Variants in NRG1 observed in about 807,000 individuals in gnomAD.
NRG1 encodes the protein neuregulin 1, also known as pro-neuregulin-1, membrane-bound isoform.
NRG1 carries 18 observed loss-of-function variants against 63.8 expected under a neutral mutation model. The observed-to-expected ratio is 0.28, with a 90% CI of 0.19 to 0.42. The LOEUF is 0.42. Ranked by LOEUF, NRG1 falls within the 10% of genes least tolerant of loss-of-function variation. The pLI, the probability that NRG1 is intolerant of heterozygous loss-of-function variation, is 1.00. For synonymous variants in NRG1, 302 were observed against 301.3 expected (o/e 1.00, Z -0.02); for missense variants, 762 against 814.7 (o/e 0.94, Z 0.79).
chr8:31,909,341 T>C (rs914748149), intron 1 of NRG1, among the ~76,000 whole-genome samples: 1 of 152,088 alleles, frequency 6.6e-6, no homozygotes, highest in East Asian at 1.9e-4. Flanking sequence ...AGGAAGACAC[T>C]GAGCATCAGG....
intron 1 of NRG1, among the ~76,000 whole-genome samples, chr8:31,857,468 G>C (rs546962734): frequency 6.6e-6 from 1 of 152,188 alleles, no homozygotes; most frequent in Non-Finnish European, 1.5e-5. Flanking sequence ...GCCCTGCTTT[G>C]GCTCGCGCAG....
chr8:31,778,032 A>G (rs551817186), intron 1 of NRG1, among the ~76,000 whole-genome samples: 5 of 152,298 alleles, frequency 3.3e-5, no homozygotes, highest in African/African-American at 9.6e-5. Flanking sequence ...AGAGACAACT[A>G]TGCACCTCTC....
chr8:32,639,047 G>A (rs1232785937), intron 5 of NRG1, among the ~76,000 whole-genome samples: 3 of 152,020 alleles, frequency 2.0e-5, no homozygotes, highest in East Asian at 3.9e-4. Context: ...GAAAAAAAAT[G>A]TGTGTACTCT....
chr8:32,125,328 T>A (rs932458217), intron 1 of NRG1, among the ~76,000 whole-genome samples: 3 of 151,960 alleles, frequency 2.0e-5, no homozygotes, highest in Non-Finnish European at 4.4e-5. Context: ...GTCGATTTGA[T>A]TCTCAAGCCG....
intron 5 of NRG1, among the ~76,000 whole-genome samples, chr8:32,617,194 G>A (rs1847531863): frequency 6.6e-6 from 1 of 152,154 alleles, no homozygotes; most frequent in Admixed American, 6.5e-5. Flanking sequence ...CTGGCAAGCA[G>A]TAGAGCACAT....
chr8:31,947,647 G>T (rs1802785497), intron 1 of NRG1, among the ~76,000 whole-genome samples: 1 of 151,900 alleles, frequency 6.6e-6, no homozygotes, highest in African/African-American at 2.4e-5. Context: ...TGCAAACGTA[G>T]AAATACCACT....
chr8:32,328,285 A>G (rs935305130), intron 1 of NRG1, among the ~76,000 whole-genome samples: 8 of 152,196 alleles, frequency 5.3e-5, no homozygotes, highest in African/African-American at 1.9e-4. Context: ...TATTTTGATC[A>G]GAATGTCACT....
chr8:32,733,122 A>G (rs1824146188), intron 6 of NRG1, among the ~76,000 whole-genome samples: 1 of 151,972 alleles, frequency 6.6e-6, no homozygotes, highest in African/African-American at 2.4e-5. Flanking sequence ...TTAATTTCTA[A>G]TTCTTTATTT....
chr8:32,750,196 A>G (rs1589582549), intron 7 of NRG1, among the ~76,000 whole-genome samples: 1 of 152,186 alleles, frequency 6.6e-6, no homozygotes, highest in Non-Finnish European at 1.5e-5. Context: ...AGAAAACAGA[A>G]AGAAAGCAGC....
intron 1 of NRG1, among the ~76,000 whole-genome samples, chr8:32,136,473 TA>T (rs1486122853): frequency 1.3e-5 from 2 of 152,196 alleles, no homozygotes. Context: ...CAGGATAGGC[TA>T]AAATCTCAGA....
intron 2 of NRG1, among the ~76,000 whole-genome samples, chr8:32,598,851 A>G (rs1445244796): frequency 6.6e-6 from 1 of 152,120 alleles, no homozygotes; most frequent in Non-Finnish European, 1.5e-5. Flanking sequence ...CTGAATCTCA[A>G]TTTAATTAAC....
intron 1 of NRG1, among the ~76,000 whole-genome samples, chr8:31,737,933 G>A (rs1356615060): frequency 6.6e-6 from 1 of 151,952 alleles, no homozygotes; most frequent in African/African-American, 2.4e-5. Flanking sequence ...TTTTTTTATA[G>A]CTAGAATTTT....
intron 1 of NRG1, among the ~76,000 whole-genome samples, chr8:31,725,659 A>G (rs1813359222): frequency 6.6e-6 from 1 of 152,170 alleles, no homozygotes; most frequent in Admixed American, 6.6e-5. Flanking sequence ...TGGAAAACTC[A>G]CTGAGCTTAA....
At chr8:32,155,187 T>G (rs1217544262) in intron 1 of NRG1, among the ~76,000 whole-genome samples, 2 of 152,128 alleles carry the variant, frequency 1.3e-5, no homozygotes, top group Non-Finnish European at 2.9e-5. Context: ...AATGTGAGAC[T>G]AAGAGTCAAG....
intron 1 of NRG1, among the ~76,000 whole-genome samples, chr8:32,579,007 G>A (rs1302075988): frequency 6.6e-6 from 1 of 152,100 alleles, no homozygotes; most frequent in Non-Finnish European, 1.5e-5. Context: ...ATTCCTAAAT[G>A]ATGATATTTT....
rs1413092389 is a variant in NRG1, at chr8:32,177,219, A to G, written c.38-418609A>G. 5.9e-5 allele frequency among the ~76,000 whole-genome samples: 9 copies of G among 151,902 alleles called. No homozygotes were observed. The East Asian group carries it at 1.6e-3, about 27-fold the overall frequency. ...TGGAAACCATCATTCTCAGCAAACTATCGCAAGGACAAAGAACCAAACACC... is the reference window on the plus strand; with the variant it reads ...TGGAAACCATCATTCTCAGCAAACTGTCGCAAGGACAAAGAACCAAACACC... On this transcript the variant is annotated intron_variant, in intron 1 of 10. Transcript: ENST00000519301.
intron 1 of NRG1, among the ~76,000 whole-genome samples, chr8:31,897,554 C>T (rs10089542): frequency 0.015 from 2,249 of 152,254 alleles, 63 homozygotes; most frequent in African/African-American, 0.051. Flanking sequence ...AAAATCAACT[C>T]TGATAAGAAA....
chr8:32,274,709 T>A (rs370092343), intron 1 of NRG1, among the ~76,000 whole-genome samples: 34 of 152,256 alleles, frequency 2.2e-4, no homozygotes, highest in African/African-American at 7.5e-4. Flanking sequence ...AACCCCAATT[T>A]AAACATCCAC....
intron 1 of NRG1, among the ~76,000 whole-genome samples, chr8:31,928,072 T>G (rs1182892154): frequency 6.6e-6 from 1 of 151,198 alleles, no homozygotes; most frequent in Non-Finnish European, 1.5e-5. Context: ...AAGCTCCTTT[T>G]TAATGTTATA....
Sources: gnomAD v4.1 joint callset for allele counts (sites outside exome capture counted in the v4.1 genomes callset) on GRCh38, gnomAD v4.1.1 for gene constraint, MANE v1.5 for transcripts, NCBI Gene and HGNC (gene_info 2026-07-23, HGNC 2026-07-21) for gene names.